Variants in MCUR1 observed in about 807,000 individuals in gnomAD.
MCUR1 encodes the protein mitochondrial calcium uniporter regulator 1, also known as MCU regulator 1.
Under a neutral mutation model 42.0 loss-of-function variants are expected in MCUR1, and 37 were observed. That is an observed-to-expected ratio of 0.88 (90% CI 0.68 to 1.16). The LOEUF is 1.16. Ranked by LOEUF, MCUR1 falls within the 50% of genes most tolerant of loss-of-function variation. MCUR1 has a pLI of 0.00. For synonymous variants in MCUR1, 229 were observed against 196.2 expected, an observed-to-expected ratio of 1.17 and a Z score of -1.40; for missense variants, 469 against 468.4, an observed-to-expected ratio of 1.00 and a Z score of -0.01.
chr6:13,805,647 A>C (rs2113473562), intron 2 of MCUR1, among the ~76,000 whole-genome samples: 1 of 152,346 alleles, frequency 6.6e-6, no homozygotes, highest in Middle Eastern at 3.4e-3. Context: ...ACTTTGTCTT[A>C]GGCATGTAAA....
At chr6:13,804,634 C>T (rs1041735110) in intron 2 of MCUR1, among the ~76,000 whole-genome samples, 1 of 151,384 alleles carries the variant, frequency 6.6e-6, no homozygotes, top group African/African-American at 2.4e-5. Flanking sequence ...ATTAGCCAGG[C>T]GTTGTGGCAG....
At chr6:13,802,935 GTTCT>G (rs1335042899) in intron 2 of MCUR1, among the ~76,000 whole-genome samples, 1 of 152,136 alleles carries the variant, frequency 6.6e-6, no homozygotes, top group Non-Finnish European at 1.5e-5. Context: ...GACAAAATCA[GTTCT>G]TTCATTTTTC....
chr6:13,797,142 C>T (rs1421182691), intron 6 of MCUR1, among the ~76,000 whole-genome samples: 1 of 152,102 alleles, frequency 6.6e-6, no homozygotes, highest in Non-Finnish European at 1.5e-5. Flanking sequence ...TTTTGAGTTT[C>T]AGTATTAGCT....
In MCUR1 at chr6:13,791,001, C is replaced by T. The variant is rs1371191560; in HGVS notation, c.1025-137G>A. 8.7e-6 allele frequency: 5 copies of T among 573,700 alleles called. No homozygotes were observed. The East Asian group carries it at 1.3e-4, about 15-fold the overall frequency. 35.5% of individuals were successfully genotyped at this position (573,700 alleles called of 1,614,324 possible). On this transcript the variant is annotated intron_variant, in intron 8 of 8. Transcript: ENST00000379170. ...CTGATGTCCCATATTCCGTGAAACG[C>T]CTGCCTACTGAAAAAACAAATCCCA...
chr6:13,814,342 T>C lies in MCUR1; in HGVS notation c.88A>G (p.Arg30Gly). ...LLFLPVGLSGRPGGSETSARR... is the reference protein window; with the variant it reads ...LLFLPVGLSGGPGGSETSARR... Reference sequence around the variant, plus strand: ...GCTGAGGTTTCGCTGCCGCCCGGTCTTCCGCTGAGGCCCACGGGCAAGAAG... The same window carrying C: ...GCTGAGGTTTCGCTGCCGCCCGGTCCTCCGCTGAGGCCCACGGGCAAGAAG... Residue 30 changes from arginine (R) to glycine (G), a missense_variant, in exon 1 of 9, where the codon AGA becomes GGA. By Grantham distance (125) the Arg-to-Gly change is moderately radical. Transcript: ENST00000379170. 1 of 1,514,528 alleles carries C rather than the reference T, an allele frequency of 6.6e-7. No homozygotes were observed. Among genetic ancestry groups the C allele is most frequent in the African/African-American group, 1.4e-5 (1 of 69,884 alleles). 93.8% of individuals were successfully genotyped at this position (1,514,528 alleles called of 1,614,324 possible).
At chr6:13,794,990 A>G (rs1043656030) in intron 6 of MCUR1, among the ~76,000 whole-genome samples, 2 of 152,168 alleles carry the variant, frequency 1.3e-5, no homozygotes, top group Admixed American at 6.5e-5. Context: ...GCATATGACA[A>G]TCAGTAATTT....
chr6:13,801,262 T>G (rs1304255638), intron 4 of MCUR1, 26 bp downstream of exon 4: 2 of 1,447,876 alleles, frequency 1.4e-6, no homozygotes, highest in East Asian at 4.5e-5. Flanking sequence ...TAATCAACTT[T>G]CTAAGTGTGA....
At chr6:13,798,672 T>C (rs1759910262) in intron 6 of MCUR1, among the ~76,000 whole-genome samples, 161 bp downstream of exon 6, 1 of 152,150 alleles carries the variant, frequency 6.6e-6, no homozygotes, top group Non-Finnish European at 1.5e-5. Context: ...CAAATTTAAG[T>C]CTTAATCCAA....
chr6:13,803,125 G>A (rs60194373), intron 2 of MCUR1, among the ~76,000 whole-genome samples: 7,196 of 152,002 alleles, frequency 0.047, 567 homozygotes, highest in African/African-American at 0.17. Context: ...GCAATGGCGC[G>A]ATCTCAGCTC....
chr6:13,791,926 T>C lies in MCUR1; in HGVS notation c.976A>G (p.Lys326Glu), dbSNP rs779942991. The C allele has an allele frequency of 6.2e-6, 10 of 1,614,152 alleles. No individual in the cohort carries two copies. The South Asian group carries it at 9.9e-5, about 16-fold the overall frequency. ...RKIETEVAGL[K>E]TMLESHKLDN... ...AGCTTGTGTGACTCAAGCATGGTTT[T>C]GAGGCCAGCAACCTCAGTTTCGATC... The change falls in exon 8 of 9, where the codon AAA becomes GAA. Residue 326 changes from lysine (K) to glutamate (E), a missense_variant. By Grantham distance (56) the Lys-to-Glu change is moderately conservative. Coordinates refer to ENST00000379170, the MANE Select transcript of MCUR1 (RefSeq NM_001031713.4).
intron 3 of MCUR1, among the ~76,000 whole-genome samples, chr6:13,801,612 G>A (rs1759992316): frequency 6.6e-6 from 1 of 152,162 alleles, no homozygotes; most frequent in African/African-American, 2.4e-5. Flanking sequence ...TACCTGGGGA[G>A]GCCAAGGCAG....
At chr6:13,808,537 CTT>C (rs1469233203) in intron 1 of MCUR1, among the ~76,000 whole-genome samples, 4 of 152,146 alleles carry the variant, frequency 2.6e-5, no homozygotes, top group Non-Finnish European at 5.9e-5. Flanking sequence ...GTTGCCTGTG[CTT>C]TTTTCTTTTG....
intron 5 of MCUR1, among the ~76,000 whole-genome samples, chr6:13,799,420 T>G (rs1395042451): frequency 6.6e-6 from 1 of 152,162 alleles, no homozygotes; most frequent in Non-Finnish European, 1.5e-5. Flanking sequence ...CCTGACCTTG[T>G]GATCTACCCA....
intron 3 of MCUR1, 64 bp downstream of exon 3, chr6:13,802,178 AC>A: frequency 7.7e-7 from 1 of 1,291,288 alleles, no homozygotes; most frequent in Non-Finnish European, 1.1e-6. Flanking sequence ...TTATATTAAA[AC>A]ATTACTACAA....
At chr6:13,798,688 T>C (rs1759910681) in intron 6 of MCUR1, 145 bp downstream of exon 6, 1 of 472,280 alleles carries the variant, frequency 2.1e-6, no homozygotes, top group East Asian at 3.7e-5. Flanking sequence ...TCCAAAATTA[T>C]TATAATAGAG....
intron 6 of MCUR1, among the ~76,000 whole-genome samples, chr6:13,797,810 G>A (rs974604450): frequency 5.9e-5 from 9 of 152,064 alleles, no homozygotes; most frequent in African/African-American, 2.2e-4. Context: ...GATCACTTGA[G>A]GTTAGGAGTT....
chr6:13,807,426 T>C (rs1297094563), intron 1 of MCUR1, among the ~76,000 whole-genome samples: 2 of 152,212 alleles, frequency 1.3e-5, no homozygotes, highest in African/African-American at 4.8e-5. Context: ...ATATAGTCTT[T>C]TGTGACTGGC....
intron 2 of MCUR1, chr6:13,804,232 A>G: frequency 5.4e-6 from 1 of 186,868 alleles, no homozygotes; most frequent in Admixed American, 5.6e-5. Flanking sequence ...ATGAGGTGGG[A>G]GGATCGCTTG....
rs1760296506 is a variant in MCUR1 at position 13,813,922 on chromosome 6, G to C, written c.415+93C>G. ...TGGAGGACCCGCCCTCCGGCCTGCC[G>C]GGCCTTTCCTCGGGGAGGCTGTAGC... is the stretch of plus-strand genomic sequence containing the variant. On this transcript the variant is annotated intron_variant, in intron 1 of 8. Coordinates refer to ENST00000379170, the MANE Select transcript of MCUR1 (RefSeq NM_001031713.4). The C allele has an allele frequency of 1.3e-5, 15 of 1,194,668 alleles. No homozygotes were observed. In the Middle Eastern group the frequency reaches 1.4e-3, roughly 109 times the overall value. 74.0% of individuals were successfully genotyped at this position (1,194,668 alleles called of 1,614,324 possible).
Sources: allele counts gnomAD v4.1 joint callset (sites outside exome capture counted in the v4.1 genomes callset), GRCh38; gene constraint gnomAD v4.1.1; transcripts MANE v1.5; gene names NCBI Gene and HGNC (gene_info 2026-07-23, HGNC 2026-07-21).